KIF27: variants seen among roughly 807,000 people sequenced by gnomAD.
The protein encoded by KIF27 is kinesin family member 27.
A neutral mutation model predicts 141.8 loss-of-function variants in KIF27; 84 were observed. The ratio of observed to expected loss-of-function variants is 0.59; its 90% confidence interval spans 0.50 to 0.71. The LOEUF is 0.71. Among genes scored for constraint, KIF27 ranks in the 30% least tolerant of loss-of-function variants. KIF27 has a pLI of 0.00. For synonymous variants in KIF27, 471 were observed against 569.5 expected (o/e 0.83, Z 2.46); for missense variants, 1,306 against 1,628.4 (o/e 0.80, Z 3.41).
intron 3 of KIF27, among the ~76,000 whole-genome samples, chr9:83,906,556 C>G (rs1405956447): frequency 5.3e-5 from 8 of 151,986 alleles, no homozygotes. Flanking sequence ...GCCTGGGCAA[C>G]ATGGTGAAAC....
chr9:83,855,039 C>CTTTTT (rs928683342), intron 14 of KIF27: 1 of 147,558 alleles, frequency 6.8e-6, no homozygotes, highest in Admixed American at 6.8e-5. Flanking sequence ...ATATTTCTTT[C>CTTTTT]TTTTTTTTTT....
intron 6 of KIF27, among the ~76,000 whole-genome samples, chr9:83,890,668 A>G (rs946182080): frequency 3.3e-5 from 5 of 152,192 alleles, no homozygotes; most frequent in Non-Finnish European, 7.3e-5. Context: ...GACTGTAACA[A>G]CCAGATGGAT....
rs1194415143 is a variant in KIF27, at chr9:83,865,641, A to G, written c.2934+2043T>C. ...TTTCCAAGAGCTCTTTCATGTTTTT[A>G]ATAACTTGTAGTTATTTATAGATAG... On this transcript the variant is annotated intron_variant, in intron 13 of 17. Transcript: ENST00000297814. Among the ~76,000 whole-genome samples the G allele has an allele frequency of 2.0e-5, 3 of 152,188 alleles. No homozygotes were observed. The East Asian group carries it at 5.8e-4, about 29-fold the overall frequency.
At chr9:83,880,040 A>T in intron 11 of KIF27, 1 of 523,844 alleles carries the variant, frequency 1.9e-6, no homozygotes, top group Non-Finnish European at 3.3e-6. Flanking sequence ...AGCTTCAATT[A>T]AAGTTAGGAT....
chr9:83,918,309 G>A (rs1278072559), intron 1 of KIF27, among the ~76,000 whole-genome samples: 1 of 105,606 alleles, frequency 9.5e-6, no homozygotes, highest in African/African-American at 4.3e-5. Context: ...GAGAGAAAGA[G>A]AGAACGAGAG....
At chr9:83,882,349 A>G (rs1951746836) in intron 10 of KIF27, among the ~76,000 whole-genome samples, 1 of 152,116 alleles carries the variant, frequency 6.6e-6, no homozygotes, top group South Asian at 2.1e-4. Context: ...GCAACAGAGC[A>G]AGACTTCACC....
intron 3 of KIF27, among the ~76,000 whole-genome samples, chr9:83,905,180 G>A (rs1239687587): frequency 2.0e-5 from 3 of 150,686 alleles, no homozygotes; most frequent in African/African-American, 2.4e-5. Flanking sequence ...GTGCAGTGGC[G>A]CAATCTCAGC....
intron 11 of KIF27, among the ~76,000 whole-genome samples, chr9:83,878,199 C>T (rs200655891): frequency 2.1e-5 from 1 of 46,986 alleles, no homozygotes; most frequent in East Asian, 5.0e-4. Context: ...AGAGATACAA[C>T]GATACAACTT....
intron 15 of KIF27, 59 bp downstream of exon 15, chr9:83,853,570 G>C: frequency 9.0e-7 from 1 of 1,107,086 alleles, no homozygotes; most frequent in Non-Finnish European, 1.4e-6. Flanking sequence ...AATAAATATA[G>C]GATGTAAGCA....
intron 13 of KIF27, chr9:83,860,246 A>G (rs1268347496): frequency 1.3e-5 from 2 of 152,196 alleles, no homozygotes; most frequent in Non-Finnish European, 2.9e-5. Context: ...TAAGGTTTAT[A>G]ACTTTAAAAA....
Position 83,836,476 on chromosome 9 carries a change from C to G in KIF27, c.*525G>C, listed in dbSNP as rs1564250969. 6.6e-6 allele frequency among the ~76,000 whole-genome samples: 1 copy of G among 152,082 alleles called. No individual in the cohort carries two copies. Among genetic ancestry groups the G allele is most frequent in the East Asian group, 1.9e-4 (1 of 5,196 alleles). ...TTTAAAAAGTCAGGACTGACCGTTT[C>G]TGTGAGTTCTGAGGACTGTAAATGA... On this transcript the variant is annotated 3_prime_UTR_variant, in exon 18 of 18. Transcript: ENST00000297814.
intron 11 of KIF27, among the ~76,000 whole-genome samples, chr9:83,871,732 A>C (rs1024519092): frequency 2.7e-5 from 4 of 150,772 alleles, no homozygotes; most frequent in African/African-American, 9.8e-5. Context: ...TCTGTCACCC[A>C]GGCTGGATGC....
intron 16 of KIF27, among the ~76,000 whole-genome samples, chr9:83,843,522 T>C (rs1009387945): frequency 4.6e-5 from 7 of 152,216 alleles, no homozygotes; most frequent in African/African-American, 1.7e-4. Flanking sequence ...TGTAGAATTT[T>C]GTTTAAGTAT....
intron 6 of KIF27, among the ~76,000 whole-genome samples, chr9:83,890,559 T>C (rs751772591): frequency 6.6e-6 from 1 of 152,208 alleles, no homozygotes; most frequent in Non-Finnish European, 1.5e-5. Context: ...GAAAACCAAA[T>C]GTCCAGAGCT....
Position 83,861,326 on chromosome 9 carries a change from C to T in KIF27, c.2935-1955G>A, listed in dbSNP as rs1361225397. 7.2e-5 allele frequency among the ~76,000 whole-genome samples: 11 copies of T among 152,112 alleles called. No homozygotes were observed. The East Asian group carries it at 1.9e-3, about 27-fold the overall frequency. On this transcript the variant is annotated intron_variant, in intron 13 of 17. Transcript: ENST00000297814. ...GTATATCTCCTAATGCTATCCCTCC[C>T]CCCTTCCCCCACCCCACAACAGGCC...
chr9:83,894,843 T>C (rs1302040149), intron 5 of KIF27, among the ~76,000 whole-genome samples: 1 of 152,162 alleles, frequency 6.6e-6, no homozygotes, highest in Admixed American at 6.5e-5. Context: ...TGAGTTCTCA[T>C]AGTACATCAT....
Position 83,908,639 on chromosome 9 carries a change from CT to C in KIF27, c.311del (p.Glu104GlyfsTer28), listed in dbSNP as rs1954821561. On this transcript the variant is annotated frameshift_variant, in exon 3 of 18. Transcript: ENST00000297814. LOFTEE classifies it high-confidence loss of function. ...IGGGHIASVV[E>X]GQKGIIPRAI... ...CTCGAGGAATGATACCCTTTTGGCC[CT>C]CCACAACTGAAGCTGAAAATTTAGA... is the stretch of plus-strand genomic sequence containing the variant. 6.3e-7 allele frequency: 1 copy of C among 1,591,212 alleles called. No homozygotes were observed. Among genetic ancestry groups the C allele is most frequent in the Non-Finnish European group, 8.5e-7 (1 of 1,169,736 alleles).
chr9:83,907,191 G>A (rs190762319), intron 3 of KIF27, among the ~76,000 whole-genome samples: 2,403 of 151,820 alleles, frequency 0.016, 80 homozygotes, highest in African/African-American at 0.056. Context: ...TCGGGAGGCT[G>A]AGGCAGGAGA....
chr9:83,903,389 C>T lies in KIF27; in HGVS notation c.1129G>A (p.Val377Ile). ...REALQSQQAG[V>I]SQTTQINREG... ...CGATTGATCTGGGTAGTTTGGCTGA[C>T]ACCAGCCTGCTGGCTTTGCAAAGCT... is the stretch of plus-strand genomic sequence containing the variant. The change falls in exon 4 of 18, where the codon GTC becomes ATC. Residue 377 changes from valine to isoleucine, a missense_variant. Physicochemically the swap from Val to Ile is conservative, Grantham distance 29. This residue lies in a region of KIF27 where 533 missense variants were observed against 565.6 expected (regional missense o/e 0.94). Coordinates refer to ENST00000297814, the MANE Select transcript of KIF27 (RefSeq NM_017576.4). The T allele has an allele frequency of 1.2e-6, 2 of 1,614,046 alleles. No individual in the cohort carries two copies. Among genetic ancestry groups the T allele is most frequent in the East Asian group, 2.2e-5 (1 of 44,886 alleles).
Sources: allele counts gnomAD v4.1 joint callset (sites outside exome capture counted in the v4.1 genomes callset), GRCh38; gene constraint gnomAD v4.1.1; regional missense constraint gnomAD v4.1.1; transcripts MANE v1.5; gene names NCBI Gene and HGNC (gene_info 2026-07-23, HGNC 2026-07-21).